The following CABLES2 variants were observed in gnomAD, a reference collection of about 807,000 sequenced individuals.
CABLES2 encodes CDK5 and ABL1 enzyme substrate 2.
CABLES2 carries 35 observed loss-of-function variants against 44.8 expected under a neutral mutation model. The ratio of observed to expected loss-of-function variants is 0.78; its 90% CI spans 0.60 to 1.04. The LOEUF (loss-of-function observed/expected upper bound fraction) is 1.04, where lower values mean the gene tolerates loss of function less well. Among genes scored for constraint, CABLES2 ranks in the 50% least tolerant of loss-of-function variants. CABLES2 has a pLI of 0.00. For missense variants in CABLES2, 566 were observed against 615.7 expected (o/e 0.92, Z 0.85); for synonymous variants, 282 against 281.1 (o/e 1.00, Z -0.03).
At chr20:62,395,058 G>T in intron 3 of CABLES2, 44 bp from the exon 4 acceptor site, 1 of 1,454,084 alleles carries the variant, frequency 6.9e-7, no homozygotes, top group Non-Finnish European at 9.6e-7. Context: ...GGGGAGCGGG[G>T]CTCAAGGTAC....
chr20:62,406,558 C>A (rs1988289641), intron 1 of CABLES2, among the ~76,000 whole-genome samples: 1 of 116,794 alleles, frequency 8.6e-6, no homozygotes, highest in Non-Finnish European at 1.8e-5. Context: ...CCTGAGGAAA[C>A]CCTCAGCCAG....
rs1288297661 is a variant in CABLES2 at position 62,398,171 on chromosome 20, AATG to A, written c.363-1582_363-1580del. ...TGGTGGTGGTGACGGTGATGGTGGT[AATG>A]GTGGTGGTGGTGATGGTGATGATGG... On this transcript the variant is annotated intron_variant, in intron 1 of 9. Transcript: ENST00000279101. Among the ~76,000 whole-genome samples the A allele has an allele frequency of 5.0e-3, 117 of 23,270 alleles. 1 individual carries two copies. Among genetic ancestry groups the A allele is most frequent in the Non-Finnish European group, 8.0e-3 (104 of 13,072 alleles). The allele number at this position is 23,270 out of a possible 152,430, so 15.3% of individuals were successfully genotyped here. A position where few individuals can be genotyped will look rare whatever the true frequency, so the allele number is the denominator to read the frequency against.
At chr20:62,406,015 T>C (rs1988276427) in intron 1 of CABLES2, 1 of 153,380 alleles carries the variant, frequency 6.5e-6, no homozygotes, top group African/African-American at 2.4e-5. Context: ...GGGCTCATGG[T>C]TGGGGTTGCC....
rs796634449 is a variant in CABLES2 at position 62,398,178 on chromosome 20, G to A, written c.363-1586C>T. On this transcript the variant is annotated intron_variant, in intron 1 of 9. Transcript: ENST00000279101. The stretch of plus-strand genomic sequence containing the variant: ...GGTGACGGTGATGGTGGTAATGGTG[G>A]TGGTGGTGATGGTGATGATGGTGGT... Among the ~76,000 whole-genome samples, 25 of 96,210 alleles carry A rather than the reference G, an allele frequency of 2.6e-4. 1 individual carries two copies. The highest frequency in any genetic ancestry group is 6.8e-4 in the Admixed American group (7 of 10,290). 63.1% of individuals were successfully genotyped at this position (96,210 alleles called of 152,430 possible). A position where few individuals can be genotyped will look rare whatever the true frequency, so the allele number is the denominator to read the frequency against.
intron 1 of CABLES2, among the ~76,000 whole-genome samples, chr20:62,401,128 A>G (rs1988180082): frequency 6.6e-6 from 1 of 152,026 alleles, no homozygotes; most frequent in South Asian, 2.1e-4. Flanking sequence ...TGTCAGTTGG[A>G]ATGGTGGCCG....
At chr20:62,392,250 G>T in intron 8 of CABLES2, 139 bp downstream of exon 8, 1 of 652,558 alleles carries the variant, frequency 1.5e-6, no homozygotes, top group Non-Finnish European at 2.7e-6. Flanking sequence ...GCTGCTGGGG[G>T]CCTGGTCGGA....
chr20:62,404,945 C>G (rs898461998), intron 1 of CABLES2: 3 of 152,340 alleles, frequency 2.0e-5, no homozygotes, highest in African/African-American at 7.2e-5. Flanking sequence ...ATGCTGCGCT[C>G]AGAACTGTCA....
intron 4 of CABLES2, 134 bp from the exon 5 acceptor site, chr20:62,394,399 A>AC (rs1569015591): frequency 1.5e-6 from 1 of 674,452 alleles, no homozygotes; most frequent in East Asian, 2.7e-5. Flanking sequence ...GAAAGGCGGC[A>AC]CTGGTGTGAC....
intron 3 of CABLES2, among the ~76,000 whole-genome samples, chr20:62,395,334 G>A (rs1569015954): frequency 6.6e-6 from 1 of 152,164 alleles, no homozygotes; most frequent in South Asian, 2.1e-4. Flanking sequence ...TAGGGCTGGC[G>A]GCCTCACCTC....
chr20:62,392,166 G>A (rs1852687094), intron 8 of CABLES2, among the ~76,000 whole-genome samples: 3 of 151,736 alleles, frequency 2.0e-5, no homozygotes, highest in Admixed American at 6.6e-5. Context: ...GAGAGACCCA[G>A]TGGTGTGTGG....
intron 1 of CABLES2, among the ~76,000 whole-genome samples, chr20:62,401,514 G>A (rs1244445794): frequency 6.6e-6 from 1 of 152,212 alleles, no homozygotes; most frequent in Non-Finnish European, 1.5e-5. Flanking sequence ...ACCCCTGCTC[G>A]CCCCGGGCCC....
rs1569017044 is a variant in CABLES2, at chr20:62,397,915, C to CGGT, written c.363-1324_363-1323insACC. On this transcript the variant is annotated intron_variant, in intron 1 of 9. Coordinates refer to ENST00000279101, the MANE Select transcript of CABLES2 (RefSeq NM_031215.3). ...ATGGCGGTGGTGGTGATGGTGATGG[C>CGGT]AGTGGTGATGGTGGTGGTGGTGATG... Among the ~76,000 whole-genome samples the CGGT allele has an allele frequency of 7.6e-4, 42 of 55,546 alleles. No individual in the cohort carries two copies. In the East Asian group the frequency reaches 0.018, roughly 23 times the overall value. 36.4% of individuals were successfully genotyped at this position (55,546 alleles called of 152,430 possible). A position where few individuals can be genotyped will look rare whatever the true frequency, so the allele number is the denominator to read the frequency against.
rs1235906896 is a variant in CABLES2 at position 62,398,132 on chromosome 20, G to A, written c.363-1540C>T. On this transcript the variant is annotated intron_variant, in intron 1 of 9. Coordinates refer to ENST00000279101, the MANE Select transcript of CABLES2 (RefSeq NM_031215.3). ...TGGTGGTGGTGGTGGTGGTTATGAC[G>A]GTGGTGATGGTGGTGGTGGTGGTGA... is the stretch of plus-strand genomic sequence containing the variant. 9.8e-4 allele frequency among the ~76,000 whole-genome samples: 118 copies of A among 120,296 alleles called. 4 individuals carry two copies. The highest frequency in any genetic ancestry group is 3.5e-3 in the African/African-American group (108 of 31,206). 78.9% of individuals were successfully genotyped at this position (120,296 alleles called of 152,430 possible).
At chr20:62,398,181 G>GTGATGA (rs1988104639) in intron 1 of CABLES2, among the ~76,000 whole-genome samples, 1 of 55,970 alleles carries the variant, frequency 1.8e-5, no homozygotes, top group African/African-American at 2.3e-4. Context: ...AATGGTGGTG[G>GTGATGA]TGGTGATGGT....
intron 6 of CABLES2, 137 bp from the exon 7 acceptor site, chr20:62,393,160 G>T (rs1300474735): frequency 5.0e-6 from 4 of 800,664 alleles, no homozygotes; most frequent in Non-Finnish European, 8.0e-6. Context: ...CTCCTGAAGG[G>T]CCCAGGGCTT....
chr20:62,395,237 T>C (rs1229317093), intron 3 of CABLES2, among the ~76,000 whole-genome samples: 1 of 152,226 alleles, frequency 6.6e-6, no homozygotes. Context: ...CTACAGGAGC[T>C]ACCGGGGTTC....
At position 62,398,215 on chromosome 20, in the gene CABLES2, G is replaced by A. The variant is rs1305219560; in HGVS notation, c.363-1623C>T. On this transcript the variant is annotated intron_variant, in intron 1 of 9. Coordinates refer to ENST00000279101, the MANE Select transcript of CABLES2 (RefSeq NM_031215.3). ...GTGATGATGGTGGTGATGGTGATGT[G>A]ATGGTGGTGGTGGTGACGGTGGTGA... 3.5e-3 allele frequency among the ~76,000 whole-genome samples: 296 copies of A among 84,594 alleles called. 3 individuals carry two copies. The highest frequency in any genetic ancestry group is 4.5e-3 in the Admixed American group (41 of 9,094). The allele number at this position is 84,594 out of a possible 152,430, so 55.5% of individuals were successfully genotyped here. A position where few individuals can be genotyped will look rare whatever the true frequency, so the allele number is the denominator to read the frequency against.
At chr20:62,392,647 CAA>C (rs1199435911) in intron 7 of CABLES2, 152 bp from the exon 8 acceptor site, 3 of 680,618 alleles carry the variant, frequency 4.4e-6, no homozygotes, top group East Asian at 2.6e-5. Flanking sequence ...CAAAATGGCT[CAA>C]GAGAGAGAAC....
intron 1 of CABLES2, among the ~76,000 whole-genome samples, chr20:62,397,259 TG>T (rs1208092242): frequency 6.6e-6 from 1 of 152,176 alleles, no homozygotes; most frequent in East Asian, 1.9e-4. Context: ...TTCTGTGACT[TG>T]CTCAAGGCAC....
Sources: gnomAD v4.1 joint callset for allele counts (sites outside exome capture counted in the v4.1 genomes callset) on GRCh38, gnomAD v4.1.1 for gene constraint, MANE v1.5 for transcripts, NCBI Gene and HGNC (gene_info 2026-07-23, HGNC 2026-07-21) for gene names.